The following SLC35F4 variants were observed in gnomAD, a reference collection of about 807,000 sequenced individuals.
SLC35F4 encodes solute carrier family 35 member F4, also known as chromosome 14 open reading frame 36.
Under a neutral mutation model 44.2 loss-of-function variants are expected in SLC35F4, and 24 were observed. That is an observed-to-expected ratio of 0.54 (90% CI 0.39 to 0.76). SLC35F4 has a LOEUF of 0.76. Among genes scored for constraint, SLC35F4 ranks in the 30% least tolerant of loss-of-function variants. The probability of loss-of-function intolerance (pLI) is 0.00; values close to 1 mark genes in which losing one functional copy is unlikely to be tolerated. For synonymous variants in SLC35F4, 238 were observed against 223.6 expected (o/e 1.06, Z -0.57); for missense variants, 562 against 586.1 (o/e 0.96, Z 0.42).
chr14:57,605,246 C>T (rs2071082214), intron 1 of SLC35F4, among the ~76,000 whole-genome samples: 1 of 151,934 alleles, frequency 6.6e-6, no homozygotes, highest in African/African-American at 2.4e-5. Flanking sequence ...CTATAAGGAA[C>T]TCAAATCAAC....
intron 1 of SLC35F4, among the ~76,000 whole-genome samples, chr14:57,644,429 T>A (rs1045415400): frequency 6.6e-6 from 1 of 151,508 alleles, no homozygotes; most frequent in African/African-American, 2.4e-5. Context: ...TTGAGAAGTG[T>A]CTGTTCATAT....
intron 1 of SLC35F4, among the ~76,000 whole-genome samples, chr14:57,653,420 G>A (rs2073857270): frequency 6.6e-6 from 1 of 152,164 alleles, no homozygotes; most frequent in Non-Finnish European, 1.5e-5. Context: ...GGGAGTAATG[G>A]AGTCTGTGTT....
At chr14:57,859,789 T>C (rs1887524609) in intron 1 of SLC35F4, among the ~76,000 whole-genome samples, 1 of 152,086 alleles carries the variant, frequency 6.6e-6, no homozygotes, top group African/African-American at 2.4e-5. Flanking sequence ...ATTAACTGAT[T>C]ATAGGGCAAG....
intron 1 of SLC35F4, among the ~76,000 whole-genome samples, chr14:57,909,608 T>C (rs1293430145): frequency 1.3e-5 from 2 of 151,878 alleles, no homozygotes; most frequent in Non-Finnish European, 2.9e-5. Flanking sequence ...TCATTATTAA[T>C]ATGCATCAAA....
intron 1 of SLC35F4, among the ~76,000 whole-genome samples, chr14:57,646,754 C>A (rs1396332236): frequency 1.3e-4 from 20 of 152,144 alleles, no homozygotes; most frequent in Admixed American, 1.3e-3. Flanking sequence ...CTCTTGTGGG[C>A]ATTTAGTGCT....
intron 1 of SLC35F4, among the ~76,000 whole-genome samples, chr14:57,873,185 C>T (rs2141028087): frequency 6.6e-6 from 1 of 152,228 alleles, no homozygotes; most frequent in Middle Eastern, 3.4e-3. Flanking sequence ...CTTCGTATGT[C>T]CCCCTGGCTA....
chr14:57,955,909 T>A (rs758262647), intron 1 of SLC35F4, among the ~76,000 whole-genome samples: 7 of 152,160 alleles, frequency 4.6e-5, no homozygotes, highest in Non-Finnish European at 8.8e-5. Context: ...CAAGCTACCA[T>A]TGACTTTCTT....
In SLC35F4 at chr14:57,826,040, G is replaced by C. The variant is rs1347902027; in HGVS notation, c.103+39683C>G. On this transcript the variant is annotated intron_variant, in intron 1 of 7. Coordinates refer to ENST00000556826, the MANE Select transcript of SLC35F4 (RefSeq NM_001306087.2). ...TTAAAATTTATATGGAACCAAAAAT[G>C]AGCCCATATAGCCAAGACAATCCTA... Among the ~76,000 whole-genome samples, 3 of 152,106 alleles carry C rather than the reference G, an allele frequency of 2.0e-5. 1 individual carries two copies. The highest frequency in any genetic ancestry group is 4.4e-5 in the Non-Finnish European group (3 of 68,010).
intron 1 of SLC35F4, among the ~76,000 whole-genome samples, chr14:57,911,752 T>A (rs1037104196): frequency 2.6e-5 from 4 of 152,026 alleles, no homozygotes; most frequent in Non-Finnish European, 5.9e-5. Context: ...TCTTATAATG[T>A]CTTTGTCTGA....
chr14:57,869,161 C>T (rs1217874226), upstream of SLC35F4, among the ~76,000 whole-genome samples: 3 of 150,046 alleles, frequency 2.0e-5, no homozygotes, highest in Non-Finnish European at 3.0e-5. Context: ...GCTATTTATA[C>T]TAATTGAGTA....
At chr14:57,864,931 C>T (rs1006388743) in intron 1 of SLC35F4, among the ~76,000 whole-genome samples, 1 of 152,156 alleles carries the variant, frequency 6.6e-6, no homozygotes, top group African/African-American at 2.4e-5. Context: ...CACACCTCAT[C>T]GCCCTCCCAC....
chr14:57,789,531 G>C (rs946528813), intron 1 of SLC35F4, among the ~76,000 whole-genome samples: 1 of 152,072 alleles, frequency 6.6e-6, no homozygotes, highest in African/African-American at 2.4e-5. Context: ...AAAAGCCCCG[G>C]ACCAGATGGA....
intron 1 of SLC35F4, among the ~76,000 whole-genome samples, chr14:57,897,327 C>T (rs1888894600): frequency 6.6e-6 from 1 of 152,006 alleles, no homozygotes; most frequent in South Asian, 2.1e-4. Context: ...TTCTATTAAA[C>T]TGTCAGCATG....
At chr14:57,828,350 T>A (rs1184980081) in intron 1 of SLC35F4, among the ~76,000 whole-genome samples, 1 of 152,088 alleles carries the variant, frequency 6.6e-6, no homozygotes, top group African/African-American at 2.4e-5. Context: ...ATGAGCATAG[T>A]CAGCATTGCA....
At chr14:57,783,757 A>T (rs1302093821) in intron 1 of SLC35F4, among the ~76,000 whole-genome samples, 2 of 152,196 alleles carry the variant, frequency 1.3e-5, no homozygotes, top group Non-Finnish European at 2.9e-5. Flanking sequence ...ATGAGTTCAA[A>T]AATCAAAGAT....
chr14:57,938,779 C>T (rs368626210), intron 1 of SLC35F4, among the ~76,000 whole-genome samples: 10 of 152,190 alleles, frequency 6.6e-5, no homozygotes, highest in African/African-American at 2.4e-4. Flanking sequence ...TGCTTTTAGC[C>T]GCAAGACCCT....
downstream of SLC35F4, among the ~76,000 whole-genome samples, chr14:57,972,591 G>T (rs532682129): frequency 1.5e-4 from 23 of 152,212 alleles, no homozygotes; most frequent in East Asian, 4.4e-3. Context: ...AGAATCAGAG[G>T]CTCAAAGGGT....
At chr14:57,761,413 T>A (rs188496281) in intron 1 of SLC35F4, among the ~76,000 whole-genome samples, 1 of 152,232 alleles carries the variant, frequency 6.6e-6, no homozygotes, top group African/African-American at 2.4e-5. Context: ...AGAATGATAA[T>A]GCCTATAACA....
intron 1 of SLC35F4, among the ~76,000 whole-genome samples, chr14:57,744,063 G>C (rs999075653): frequency 6.6e-6 from 1 of 152,174 alleles, no homozygotes; most frequent in Non-Finnish European, 1.5e-5. Context: ...ATTAGGTATT[G>C]ATGGGACGTA....
Sources: allele counts gnomAD v4.1 joint callset (sites outside exome capture counted in the v4.1 genomes callset), GRCh38; gene constraint gnomAD v4.1.1; transcripts MANE v1.5; gene names NCBI Gene and HGNC (gene_info 2026-07-23, HGNC 2026-07-21).